The following KIAA1210 variants were observed in gnomAD, a reference collection of about 807,000 sequenced individuals.
KIAA1210 encodes acrosomal protein KIAA1210.
A neutral mutation model predicts 78.9 loss-of-function variants in KIAA1210; 48 were observed. The ratio of observed to expected loss-of-function variants is 0.61; its 90% CI spans 0.48 to 0.77. The LOEUF (loss-of-function observed/expected upper bound fraction) is 0.77. Ranked by LOEUF, KIAA1210 falls within the 30% of genes least tolerant of loss-of-function variation. The probability of loss-of-function intolerance (pLI) is 0.00; values close to 1 mark genes in which losing one functional copy is unlikely to be tolerated. For missense variants in KIAA1210, 1,108 were observed against 1,100.0 expected, an observed-to-expected ratio of 1.01 and a Z score of -0.10; for synonymous variants, 406 against 404.5, an observed-to-expected ratio of 1.00 and a Z score of -0.04.
chrX:119,131,341 A>T (rs995884147), upstream of KIAA1210, among the ~76,000 whole-genome samples: 3 of 111,336 alleles, frequency 2.7e-5, no homozygotes, highest in African/African-American at 9.8e-5. Context: ...GGAGCTAAAC[A>T]TTGCGTGCGC....
chrX:119,139,719 T>C (rs911898023), intron 2 of KIAA1210, among the ~76,000 whole-genome samples: 3 of 111,572 alleles, frequency 2.7e-5, no homozygotes, highest in Non-Finnish European at 1.9e-5. Flanking sequence ...TCTATAAAAA[T>C]AATAAATAAT....
intron 2 of KIAA1210, among the ~76,000 whole-genome samples, chrX:119,117,453 G>A (rs1928307820): frequency 9.0e-6 from 1 of 111,581 alleles, no homozygotes; most frequent in Non-Finnish European, 1.9e-5. Flanking sequence ...CTACAGGGCT[G>A]CTGCCCTTTG....
At position 119,078,809 on chromosome X, in the gene KIAA1210, G is replaced by C. The variant is rs1926849388; in HGVS notation, c.*2520C>G. 8.9e-6 allele frequency: 1 copy of C among 112,324 alleles called. No individual in the cohort carries two copies. The highest frequency in any genetic ancestry group is 3.2e-5 in the African/African-American group (1 of 30,898). The allele number at this position is 112,324 out of a possible 1,213,427, so 9.3% of individuals were successfully genotyped here. A position where few individuals can be genotyped will look rare whatever the true frequency, so the allele number is the denominator to read the frequency against. ...AAATTGTTATTGGAGAGTTCTCAGA[G>C]TGAGAATAGCTGAATACAGGTTCAC... On this transcript the variant is annotated 3_prime_UTR_variant, in exon 12 of 12. Coordinates refer to ENST00000691062, the MANE Select transcript of KIAA1210 (RefSeq NM_001394962.1).
At chrX:119,128,423 G>A (rs929684831), upstream of KIAA1210, among the ~76,000 whole-genome samples, 1 of 106,440 alleles carries the variant, frequency 9.4e-6, no homozygotes, top group East Asian at 3.0e-4. Context: ...CACCAAACCC[G>A]CTACCCCCCT....
At chrX:119,117,732 G>A (rs1355792932) in intron 2 of KIAA1210, among the ~76,000 whole-genome samples, 5 of 108,878 alleles carry the variant, frequency 4.6e-5, no homozygotes, top group Admixed American at 3.9e-4. Context: ...CTATAAGCAC[G>A]CACCACCACA....
rs776871229 is a variant in KIAA1210 at position 119,089,644 on chromosome X, A to G, written c.1058T>C (p.Met353Thr). 13 of 1,211,216 alleles carry G rather than the reference A, an allele frequency of 1.1e-5. No individual in the cohort carries two copies. Among genetic ancestry groups the G allele is most frequent in the African/African-American group, 1.7e-5 (1 of 57,767 alleles). The change falls in exon 9 of 12, where the codon ATG becomes ACG. Residue 353 changes from methionine (M) to threonine (T), a missense_variant. Physicochemically the swap from Met to Thr is moderately conservative, Grantham distance 81. Transcript: ENST00000691062. The part of the protein sequence containing the change: ...TDASRSQGYP[M>T]SAAYGRRWRR... ...CCATCTTCTTCCATATGCTGCTGAC[A>G]TTGGATAGCCCTGACTCCGAGAAGC...
chrX:119,118,653 A>G (rs1452028921), intron 2 of KIAA1210, among the ~76,000 whole-genome samples: 1 of 112,046 alleles, frequency 8.9e-6, no homozygotes, highest in Non-Finnish European at 1.9e-5. Flanking sequence ...AGGTTCCTAA[A>G]CTTCAAGGCC....
intron 2 of KIAA1210, among the ~76,000 whole-genome samples, chrX:119,121,918 G>A (rs1454054188): frequency 2.7e-5 from 3 of 110,432 alleles, no homozygotes; most frequent in South Asian, 3.8e-4. Context: ...ACAGGCATCC[G>A]CCACCACGCC....
chrX:119,107,888 C>A (rs1927939967), intron 5 of KIAA1210, among the ~76,000 whole-genome samples: 1 of 111,766 alleles, frequency 8.9e-6, no homozygotes, highest in Non-Finnish European at 1.9e-5. Context: ...TGGATCAGAG[C>A]TATACTCTGA....
chrX:119,100,466 C>T (rs1451029103), intron 6 of KIAA1210, among the ~76,000 whole-genome samples: 3 of 110,257 alleles, frequency 2.7e-5, no homozygotes, highest in Admixed American at 1.9e-4. Flanking sequence ...GGACACCTTT[C>T]TCTACTTTTC....
At chrX:119,094,049 C>T (rs1391882622) in intron 7 of KIAA1210, 3 of 1,208,933 alleles carry the variant, frequency 2.5e-6, no homozygotes, top group Non-Finnish European at 3.4e-6. Context: ...GCAGGGATCC[C>T]TCTAAAATAC....
chrX:119,125,735 A>ATATATATATT (rs5903546), intron 1 of KIAA1210, among the ~76,000 whole-genome samples: 4 of 15,808 alleles, frequency 2.5e-4, no homozygotes, highest in African/African-American at 1.0e-3. Context: ...ATATATATAT[A>ATATATATATT]TTTTTTTTTT....
chrX:119,087,959 T>C lies in KIAA1210; in HGVS notation c.2743A>G (p.Thr915Ala). 3 of 1,211,513 alleles carry C rather than the reference T, an allele frequency of 2.5e-6. No homozygotes were observed. Among genetic ancestry groups the C allele is most frequent in the Non-Finnish European group, 3.4e-6 (3 of 895,308 alleles). ...TGATACAGTTCCTCAAATTTAGGGGTCACCCATGGCGGGGAAGTGTATTTG... is the reference window on the plus strand; with the variant it reads ...TGATACAGTTCCTCAAATTTAGGGGCCACCCATGGCGGGGAAGTGTATTTG... ...PSKYTSPPWV[T>A]PKFEELYQLS... Residue 915 changes from threonine to alanine, a missense_variant, in exon 9 of 12, where the codon ACC (threonine) becomes GCC (alanine). Transcript: ENST00000691062.
chrX:119,092,900 C>T (rs1927431121), intron 8 of KIAA1210, among the ~76,000 whole-genome samples: 1 of 109,669 alleles, frequency 9.1e-6, no homozygotes, highest in African/African-American at 3.3e-5. Flanking sequence ...CATGGGAAAA[C>T]GTGTTTAGGA....
intron 6 of KIAA1210, among the ~76,000 whole-genome samples, chrX:119,099,259 T>C (rs1210844569): frequency 8.9e-6 from 1 of 112,693 alleles, no homozygotes; most frequent in Non-Finnish European, 1.9e-5. Context: ...ACTCATTCTA[T>C]AGCATAACAG....
intron 2 of KIAA1210, among the ~76,000 whole-genome samples, chrX:119,146,529 C>T (rs374089158): frequency 7.1e-5 from 8 of 112,343 alleles, no homozygotes; most frequent in African/African-American, 2.6e-4. Flanking sequence ...TCTCCAAAAG[C>T]TTTAAAACCA....
Position 119,096,640 on chromosome X carries a change from A to G in KIAA1210, c.700T>C (p.Phe234Leu). 1 of 1,210,513 alleles carries G rather than the reference A, an allele frequency of 8.3e-7. No individual in the cohort carries two copies. The highest frequency in any genetic ancestry group is 1.1e-6 in the Non-Finnish European group (1 of 894,847). Residue 234 changes from phenylalanine (F) to leucine (L), a missense_variant, in exon 7 of 12, where the codon TTT becomes CTT. Transcript: ENST00000691062. ...GPDCSQSLTA[F>L]ATLASTSSTQ... is the part of the protein sequence containing the mutation. ...CTACTGGTAGAGGCAAGTGTGGCAA[A>G]TGCAGTCAAGGACTGTGAGCAATCA...
chrX:119,100,498 C>T (rs967978007), intron 6 of KIAA1210, among the ~76,000 whole-genome samples: 1 of 110,889 alleles, frequency 9.0e-6, no homozygotes, highest in Non-Finnish European at 1.9e-5. Context: ...CCCTCCAACC[C>T]TACTTCTCCT....
chrX:119,090,626 T>G (rs1191128260), intron 8 of KIAA1210, among the ~76,000 whole-genome samples: 1 of 109,991 alleles, frequency 9.1e-6, no homozygotes, highest in Non-Finnish European at 1.9e-5. Flanking sequence ...GAGGCAAGAT[T>G]ATGGCCCCCT....
Sources: gnomAD v4.1 joint callset for allele counts (sites outside exome capture counted in the v4.1 genomes callset) on GRCh38, gnomAD v4.1.1 for gene constraint, MANE v1.5 for transcripts, NCBI Gene and HGNC (gene_info 2026-07-23, HGNC 2026-07-21) for gene names.